Variants in YBX3 observed in about 807,000 individuals in gnomAD.
The protein encoded by YBX3 is Y-box binding protein 3, also known as Y-box-binding protein 3.
In YBX3, 29 loss-of-function variants were observed where a neutral mutation model predicts 42.4. The ratio of observed to expected loss-of-function variants is 0.68; its 90% CI spans 0.51 to 0.93. YBX3 has a LOEUF of 0.93. Ranked by LOEUF, YBX3 falls within the 40% of genes least tolerant of loss-of-function variation. The pLI, the probability that YBX3 is intolerant of heterozygous loss-of-function variation, is 0.00. For synonymous variants in YBX3, 195 were observed against 189.8 expected (o/e 1.03, Z -0.22); for missense variants, 517 against 527.5 (o/e 0.98, Z 0.19).
rs1013850555 is a variant in YBX3 at position 10,723,291 on chromosome 12, C to G, written c.-180G>C. The G allele has an allele frequency of 9.4e-5, 97 of 1,033,646 alleles. No individual in the cohort carries two copies. Among genetic ancestry groups the G allele is most frequent in the South Asian group, 3.8e-4 (8 of 21,186 alleles). 64.0% of individuals were successfully genotyped at this position (1,033,646 alleles called of 1,614,324 possible). On this transcript the variant is annotated 5_prime_UTR_variant, in exon 1 of 10. Transcript: ENST00000228251. ...GAGGCGGCTCGAGCTTCGTGCTGCG[C>G]GCTCTCTCTTGGGCTCCTCGCTCGA...
At chr12:10,718,730 A>G (rs1213165481) in intron 2 of YBX3, among the ~76,000 whole-genome samples, 1 of 152,200 alleles carries the variant, frequency 6.6e-6, no homozygotes, top group Non-Finnish European at 1.5e-5. Flanking sequence ...ATGACTCACT[A>G]GTTGGGTGAC....
At chr12:10,713,177 CTCAA>C in intron 5 of YBX3, 30 bp downstream of exon 5, 1 of 1,590,510 alleles carries the variant, frequency 6.3e-7, no homozygotes, top group Non-Finnish European at 8.6e-7. Context: ...TGAACAATTT[CTCAA>C]TCACTGGTTA....
In YBX3 at chr12:10,702,126, G is replaced by T; in HGVS notation, c.887C>A (p.Pro296His). 6.2e-7 allele frequency: 1 copy of T among 1,613,892 alleles called. No individual in the cohort carries two copies. The highest frequency in any genetic ancestry group is 1.3e-5 in the African/African-American group (1 of 75,038). The stretch of plus-strand genomic sequence containing the variant: ...TGCTGGGGCAGGTCGTGGGCGAGGA[G>T]GTCCCCTGCTGTAGGGAACACAGAA... ...TYRPRYRSRGPPRPRPAPAVG... is the reference protein window; with the variant it reads ...TYRPRYRSRGHPRPRPAPAVG... Residue 296 changes from proline to histidine, a missense_variant, in exon 8 of 10, where the codon CCT (proline) becomes CAT (histidine). By Grantham distance (77) the Pro-to-His change is moderately conservative. Around this residue, in one of 3 missense-constraint regions of YBX3, gnomAD observed 420 missense variants for 408.5 expected, o/e 1.03. Transcript: ENST00000228251.
At chr12:10,714,984 A>G (rs1253789296) in intron 4 of YBX3, among the ~76,000 whole-genome samples, 1 of 151,750 alleles carries the variant, frequency 6.6e-6, no homozygotes, top group Non-Finnish European at 1.5e-5. Context: ...TCCTGACCTC[A>G]GGAGATCCGC....
In YBX3 at chr12:10,702,147, CAG is replaced by C. The variant is rs1565585234; in HGVS notation, c.879-15_879-14del. On this transcript the variant is annotated splice_polypyrimidine_tract_variant and intron_variant, in intron 7 of 9. Transcript: ENST00000228251. ...AGGAGGTCCCCTGCTGTAGGGAACA[CAG>C]AAGAAAATAGAACAGGTGCCAACAG... 2 of 1,608,940 alleles carry C rather than the reference CAG, an allele frequency of 1.2e-6. No individual in the cohort carries two copies. The highest frequency in any genetic ancestry group is 1.1e-5 in the South Asian group (1 of 90,460).
intron 6 of YBX3, among the ~76,000 whole-genome samples, chr12:10,709,400 GTC>G (rs1456674795): frequency 6.6e-6 from 1 of 152,286 alleles, no homozygotes; most frequent in East Asian, 1.9e-4. Context: ...AATCAGCACT[GTC>G]TCATTTAAAA....
chr12:10,723,163 G>A lies in YBX3; in HGVS notation c.-52C>T, dbSNP rs1948355469. On this transcript the variant is annotated 5_prime_UTR_variant, in exon 1 of 10. Transcript: ENST00000228251. ...GGCGCCTCGGTGGCGGTTGGTCGGCGGTTAGCGCGGCTGGTGGTCGCGGCG... is the reference window on the plus strand; with the variant it reads ...GGCGCCTCGGTGGCGGTTGGTCGGCAGTTAGCGCGGCTGGTGGTCGCGGCG... 2 of 1,187,566 alleles carry A rather than the reference G, an allele frequency of 1.7e-6. No individual in the cohort carries two copies. The highest frequency in any genetic ancestry group is 2.1e-6 in the Non-Finnish European group (2 of 959,618). The allele number at this position is 1,187,566 out of a possible 1,614,324, so 73.6% of individuals were successfully genotyped here. A position where few individuals can be genotyped will look rare whatever the true frequency, so the allele number is the denominator to read the frequency against.
chr12:10,704,217 T>C, intron 6 of YBX3, 69 bp from the exon 7 acceptor site: 2 of 1,325,484 alleles, frequency 1.5e-6, no homozygotes, highest in South Asian at 1.4e-5. Context: ...CATACAGCTA[T>C]GTTCAGAATT....
In YBX3 at chr12:10,723,016, G is replaced by C; in HGVS notation, c.96C>G (p.Pro32=). The C allele has an allele frequency of 8.3e-7, 1 of 1,208,444 alleles. No homozygotes were observed. The highest frequency in any genetic ancestry group is 1.0e-6 in the Non-Finnish European group (1 of 974,986). The allele number at this position is 1,208,444 out of a possible 1,614,324, so 74.9% of individuals were successfully genotyped here. The change falls in exon 1 of 10, where the codon CCC becomes CCG. Residue 32 remains proline (P), a synonymous_variant. Transcript: ENST00000228251. ...GCGCACCGCTGCCCACCGGGCTCTT[G>C]GGCGCGGGGTCCTGGGGAGCCGCGG... ...AAAAAPQDPA[P]KSPVGSGAPQ...
chr12:10,721,802 C>G (rs529951997), intron 1 of YBX3: 2 of 152,334 alleles, frequency 1.3e-5, no homozygotes, highest in African/African-American at 4.8e-5. Flanking sequence ...CCTACACCAT[C>G]TGTTAACGTT....
intron 4 of YBX3, among the ~76,000 whole-genome samples, chr12:10,713,539 C>T (rs1018644239): frequency 2.0e-5 from 3 of 152,172 alleles, no homozygotes; most frequent in African/African-American, 7.2e-5. Flanking sequence ...GCTCATACAA[C>T]CTGAGTTTTG....
At chr12:10,708,414 A>G (rs1178320378) in intron 6 of YBX3, among the ~76,000 whole-genome samples, 2 of 152,078 alleles carry the variant, frequency 1.3e-5, no homozygotes, top group Non-Finnish European at 2.9e-5. Context: ...AATTTTTACT[A>G]TCCTAGAGAT....
chr12:10,711,649 AAC>A (rs1227938512), intron 5 of YBX3: 3 of 152,254 alleles, frequency 2.0e-5, no homozygotes, highest in African/African-American at 4.8e-5. Flanking sequence ...AGCAATGCTG[AAC>A]ACACTCTTTT....
At chr12:10,700,844 T>C (rs1948070332) in intron 9 of YBX3, among the ~76,000 whole-genome samples, 1 of 142,892 alleles carries the variant, frequency 7.0e-6, no homozygotes, top group Non-Finnish European at 1.5e-5. Flanking sequence ...AAGTTGATTA[T>C]CAAAGAAAAA....
At chr12:10,701,926 T>C (rs776343916) in intron 8 of YBX3, 34 bp downstream of exon 8, 4 of 1,583,872 alleles carry the variant, frequency 2.5e-6, no homozygotes, top group Non-Finnish European at 8.6e-7. Context: ...TTAAAGACTA[T>C]CTGGCAACAT....
At chr12:10,717,785 G>A (rs570141289) in intron 3 of YBX3, 2 of 222,120 alleles carry the variant, frequency 9.0e-6, no homozygotes, top group Non-Finnish European at 8.7e-6. Context: ...ATGCTAAAAG[G>A]GAAACAGACT....
intron 6 of YBX3, among the ~76,000 whole-genome samples, chr12:10,707,943 AAATT>A (rs1313661892): frequency 6.6e-6 from 1 of 152,250 alleles, no homozygotes; most frequent in African/African-American, 2.4e-5. Flanking sequence ...AAATGAATTA[AAATT>A]AAGTTCTACC....
chr12:10,709,142 G>A (rs1363395219), intron 6 of YBX3, among the ~76,000 whole-genome samples: 1 of 152,102 alleles, frequency 6.6e-6, no homozygotes, highest in Admixed American at 6.6e-5. Flanking sequence ...TGAACATAAT[G>A]TTCGGTCAAA....
In YBX3 at chr12:10,710,104, T is replaced by A; in HGVS notation, c.584A>T (p.Glu195Val). 3.7e-6 allele frequency: 6 copies of A among 1,613,154 alleles called. No homozygotes were observed. Among genetic ancestry groups the A allele is most frequent in the Non-Finnish European group, 5.1e-6 (6 of 1,179,810 alleles). Reference sequence around the variant, plus strand: ...GCTGCCGCTCCCTTCCTCCTCCTCCTCCCCAGCGTACTAGCGAAGCAAAGA... The same window carrying A: ...GCTGCCGCTCCCTTCCTCCTCCTCCACCCCAGCGTACTAGCGAAGCAAAGA... ...RRGPPRNYAG[E>V]EEEEGSGSSE... The change falls in exon 6 of 10, where the codon GAG (glutamate) becomes GTG (valine). Residue 195 changes from glutamate (E) to valine (V), a missense_variant. Physicochemically the swap from Glu to Val is moderately radical, Grantham distance 121 (BLOSUM62 -2). This residue lies in a region of YBX3 where 420 missense variants were observed against 408.5 expected (regional missense o/e 1.03). Coordinates refer to ENST00000228251, the MANE Select transcript of YBX3 (RefSeq NM_003651.5).
Sources: gnomAD v4.1 joint callset for allele counts (sites outside exome capture counted in the v4.1 genomes callset) on GRCh38, gnomAD v4.1.1 for gene constraint, gnomAD v4.1.1 regional missense constraint, MANE v1.5 for transcripts, NCBI Gene and HGNC (gene_info 2026-07-23, HGNC 2026-07-21) for gene names.